Variants in CACNG6 observed in about 807,000 individuals in gnomAD.
CACNG6 encodes the protein calcium voltage-gated channel auxiliary subunit gamma 6.
A neutral mutation model predicts 23.9 loss-of-function variants in CACNG6; 21 were observed. That is an observed-to-expected ratio of 0.88 (90% CI 0.62 to 1.26). CACNG6 has a LOEUF of 1.26. Among genes scored for constraint, CACNG6 ranks in the 50% most tolerant of loss-of-function variants. The pLI is 0.00. For missense variants in CACNG6, 340 were observed against 352.9 expected, an observed-to-expected ratio of 0.96 and a Z score of 0.29; for synonymous variants, 182 against 168.9, an observed-to-expected ratio of 1.08 and a Z score of -0.60.
intron 3 of CACNG6, among the ~76,000 whole-genome samples, chr19:54,001,635 C>T (rs1390057550): frequency 1.3e-5 from 2 of 152,166 alleles, no homozygotes; most frequent in African/African-American, 4.8e-5. Context: ...TCTTTTTCAT[C>T]GTTCTGTCCT....
chr19:54,006,453 A>T (rs1487339188), intron 3 of CACNG6, among the ~76,000 whole-genome samples: 3 of 151,014 alleles, frequency 2.0e-5, no homozygotes, highest in African/African-American at 7.3e-5. Flanking sequence ...TAAATGGCCA[A>T]CTTATCCCTG....
chr19:54,004,254 G>A (rs184728248), intron 3 of CACNG6, among the ~76,000 whole-genome samples: 1 of 151,836 alleles, frequency 6.6e-6, no homozygotes, highest in East Asian at 1.9e-4. Flanking sequence ...TCTGACTCCT[G>A]GATTCAAGCG....
intron 2 of CACNG6, among the ~76,000 whole-genome samples, chr19:53,998,969 T>C (rs1244871158): frequency 6.6e-6 from 1 of 152,174 alleles, no homozygotes; most frequent in Non-Finnish European, 1.5e-5. Flanking sequence ...AGATCTCCAG[T>C]CCTCGCAGTA....
chr19:54,012,467 C>G lies in CACNG6; in HGVS notation c.*278C>G. 9.6e-6 allele frequency: 1 copy of G among 104,424 alleles called. No individual in the cohort carries two copies. Among genetic ancestry groups the G allele is most frequent in the Non-Finnish European group, 1.9e-5 (1 of 53,328 alleles). The allele number at this position is 104,424 out of a possible 1,614,324, so 6.5% of individuals were successfully genotyped here. On this transcript the variant is annotated 3_prime_UTR_variant, in exon 4 of 4. Coordinates refer to ENST00000252729, the MANE Select transcript of CACNG6 (RefSeq NM_145814.2). ...GACTGGCGGGGACCTGATGGGGTAG[C>G]TGGGGTGTGGGGTTGGGGGATGAGG...
chr19:53,993,168 C>T lies in CACNG6; in HGVS notation c.291C>T (p.Pro97=), dbSNP rs767758239. 16 of 1,544,116 alleles carry T rather than the reference C, an allele frequency of 1.0e-5. No homozygotes were observed. In the East Asian group the frequency reaches 3.4e-4, roughly 33 times the overall value. The part of the protein sequence containing the change: ...CTKRLWQADV[P]VDRDTCGPAE... ...AGCGGCTGTGGCAGGCGGACGTGCC[C>T]GTGGACAGGGACACCTGCGGCCCCG... Residue 97 remains proline, a synonymous_variant, in exon 1 of 4, where the codon CCC becomes CCT. Coordinates refer to ENST00000252729, the MANE Select transcript of CACNG6 (RefSeq NM_145814.2).
chr19:54,011,203 A>ATATATATATATATATATAT (rs1236174156), intron 3 of CACNG6, among the ~76,000 whole-genome samples: 1 of 100,646 alleles, frequency 9.9e-6, no homozygotes, highest in Admixed American at 1.2e-4. Flanking sequence ...AAAAAAAAAA[A>ATATATATATATATATATAT]AAATATATAT....
At chr19:54,009,011 G>C (rs1024400807) in intron 3 of CACNG6, among the ~76,000 whole-genome samples, 3 of 152,146 alleles carry the variant, frequency 2.0e-5, no homozygotes, top group Non-Finnish European at 4.4e-5. Context: ...ATTATAGGCC[G>C]GGTGCGGCAG....
intron 3 of CACNG6, among the ~76,000 whole-genome samples, chr19:54,006,680 C>A (rs2069650762): frequency 6.7e-6 from 1 of 149,664 alleles, no homozygotes; most frequent in African/African-American, 2.5e-5. Context: ...ATTACAGGCA[C>A]CCGCCATGAC....
At chr19:54,008,816 C>G (rs2069674148) in intron 3 of CACNG6, among the ~76,000 whole-genome samples, 1 of 152,226 alleles carries the variant, frequency 6.6e-6, no homozygotes, top group Non-Finnish European at 1.5e-5. Flanking sequence ...TCCTTCCTTT[C>G]ATGCATCACC....
In CACNG6 at chr19:53,992,877, G is replaced by A. The variant is rs781663388; in HGVS notation, c.-1G>A. 1.4e-6 allele frequency: 2 copies of A among 1,394,284 alleles called. No homozygotes were observed. Among genetic ancestry groups the A allele is most frequent in the South Asian group, 2.0e-5 (1 of 50,082 alleles). The allele number at this position is 1,394,284 out of a possible 1,614,324, so 86.4% of individuals were successfully genotyped here. A position where few individuals can be genotyped will look rare whatever the true frequency, so the allele number is the denominator to read the frequency against. Reference sequence around the variant, plus strand: ...CCCTTCCCGACCCCACCGGCCATAAGATGATGTGGTCCAACTTCTTCCTGC... The same window carrying A: ...CCCTTCCCGACCCCACCGGCCATAAAATGATGTGGTCCAACTTCTTCCTGC... On this transcript the variant is annotated 5_prime_UTR_variant, in exon 1 of 4. Transcript: ENST00000252729. This position sits in a 1 kb window ranked among gnomAD's most constrained non-coding sequence, Gnocchi z 4.1.
At chr19:53,998,863 G>A (rs140054272) in intron 2 of CACNG6, among the ~76,000 whole-genome samples, 124 of 151,870 alleles carry the variant, frequency 8.2e-4, no homozygotes, top group East Asian at 6.4e-3. Context: ...GTGTCACCCC[G>A]GGCAAGTCGC....
At chr19:54,002,275 G>GTTTTTTTTTTTTTT (rs1174799698) in intron 3 of CACNG6, among the ~76,000 whole-genome samples, 25 of 116,432 alleles carry the variant, frequency 2.1e-4, no homozygotes, top group African/African-American at 1.1e-3. Context: ...CGGTTTTTTT[G>GTTTTTTTTTTTTTT]TTTTTTTTGT....
At chr19:54,004,756 G>C (rs919225677) in intron 3 of CACNG6, among the ~76,000 whole-genome samples, 1 of 151,948 alleles carries the variant, frequency 6.6e-6, no homozygotes, top group Admixed American at 6.6e-5. Context: ...CTGCCTCCTC[G>C]GCCTGGAGCG....
intron 2 of CACNG6, among the ~76,000 whole-genome samples, chr19:53,998,913 C>T (rs2069548562): frequency 2.0e-5 from 3 of 152,200 alleles, no homozygotes; most frequent in Admixed American, 2.0e-4. Flanking sequence ...TCTCACAAAC[C>T]TGCAGGCATC....
chr19:54,003,419 G>A (rs183107780), intron 3 of CACNG6, among the ~76,000 whole-genome samples: 6 of 152,132 alleles, frequency 3.9e-5, no homozygotes, highest in Middle Eastern at 3.4e-3. Flanking sequence ...GGAGTGCAGC[G>A]GTGCGATCTC....
Position 53,999,653 on chromosome 19 carries a change from G to A in CACNG6, c.426G>A (p.Ala142=), listed in dbSNP as rs368155268. 3.1e-5 allele frequency: 50 copies of A among 1,613,662 alleles called. 1 individual carries two copies. The South Asian group carries it at 3.7e-4, about 12-fold the overall frequency. The change falls in exon 3 of 4, where the codon GCG becomes GCA. Residue 142 remains alanine (A), a synonymous_variant. Transcript: ENST00000252729. ...TGGCAGAGGTGAATCTGGCAGCTGC[G>A]GTGATAGCAGTGCTGGGCCTGGCAG... ...TTKKEVNLAA[A]VIAVLGLAVM...
chr19:54,011,732 T>C (rs1245987075), intron 3 of CACNG6, among the ~76,000 whole-genome samples: 13 of 151,266 alleles, frequency 8.6e-5, no homozygotes, highest in Non-Finnish European at 8.8e-5. Flanking sequence ...ACCATCCTTC[T>C]ACTTTCTGTC....
In CACNG6 at chr19:53,992,845, C is replaced by T; in HGVS notation, c.-33C>T. 2 of 1,356,542 alleles carry T rather than the reference C, an allele frequency of 1.5e-6. No homozygotes were observed. Among genetic ancestry groups the T allele is most frequent in the Non-Finnish European group, 1.9e-6 (2 of 1,047,268 alleles). The allele number at this position is 1,356,542 out of a possible 1,614,324, so 84.0% of individuals were successfully genotyped here. ...CCTCGAGGCCCTTCGCCGGCTCTGCCTCCTCCCCCTTCCCGACCCCACCGG... is the reference window on the plus strand; with the variant it reads ...CCTCGAGGCCCTTCGCCGGCTCTGCTTCCTCCCCCTTCCCGACCCCACCGG... On this transcript the variant is annotated 5_prime_UTR_variant, in exon 1 of 4. Transcript: ENST00000252729. This position sits in a 1 kb window ranked among gnomAD's most constrained non-coding sequence, Gnocchi z 4.1.
At chr19:53,993,695 T>G (rs73937641) in intron 1 of CACNG6, among the ~76,000 whole-genome samples, 2,252 of 147,558 alleles carry the variant, frequency 0.015, 64 homozygotes, top group African/African-American at 0.053. Flanking sequence ...CAGCTACAGT[T>G]TCCACCCCCA....
Sources: gnomAD v4.1 joint callset for allele counts (sites outside exome capture counted in the v4.1 genomes callset) on GRCh38, gnomAD v4.1.1 for gene constraint, Gnocchi (gnomAD v3.1) non-coding constraint, MANE v1.5 for transcripts, NCBI Gene and HGNC (gene_info 2026-07-23, HGNC 2026-07-21) for gene names.